The following STAU2 variants were observed in gnomAD, a reference collection of about 807,000 sequenced individuals.
STAU2 encodes the protein double-stranded RNA-binding protein Staufen homolog 2.
In STAU2, 20 loss-of-function variants were observed where a neutral mutation model predicts 65.9. The ratio of observed to expected loss-of-function variants is 0.30; its 90% CI spans 0.21 to 0.44. The LOEUF is 0.44. Among genes scored for constraint, STAU2 ranks in the 20% least tolerant of loss-of-function variants. The pLI, the probability that STAU2 is intolerant of heterozygous loss-of-function variation, is 1.00. For missense variants in STAU2, 558 were observed against 683.9 expected, an observed-to-expected ratio of 0.82 and a Z score of 2.05; for synonymous variants, 232 against 233.9, an observed-to-expected ratio of 0.99 and a Z score of 0.07.
At chr8:73,552,685 G>C (rs1206143820) in intron 12 of STAU2, among the ~76,000 whole-genome samples, 1 of 152,076 alleles carries the variant, frequency 6.6e-6, no homozygotes, top group African/African-American at 2.4e-5. Context: ...TCTCATAAAA[G>C]AGGCATGAAA....
chr8:73,502,484 ATCAACCCTATACC>A (rs1171650663), intron 13 of STAU2, among the ~76,000 whole-genome samples: 1 of 152,012 alleles, frequency 6.6e-6, no homozygotes, highest in Non-Finnish European at 1.5e-5. Flanking sequence ...ATATCCAAAG[ATCAACCCTATACC>A]TCAACCAAAA....
At chr8:73,427,356 C>T (rs1370662845) in intron 13 of STAU2, among the ~76,000 whole-genome samples, 3 of 152,174 alleles carry the variant, frequency 2.0e-5, no homozygotes, top group Non-Finnish European at 4.4e-5. Context: ...GTCAGAGAAG[C>T]AAACCAGTTT....
intron 9 of STAU2, among the ~76,000 whole-genome samples, chr8:73,608,612 T>TAA (rs61070069): frequency 0.015 from 2,011 of 136,224 alleles, 45 homozygotes; most frequent in African/African-American, 0.046. Context: ...CTCCGTCCCA[T>TAA]AAAAAAAAAA....
At chr8:73,573,515 A>G (rs1809270663) in intron 12 of STAU2, among the ~76,000 whole-genome samples, 2 of 152,242 alleles carry the variant, frequency 1.3e-5, no homozygotes, top group African/African-American at 2.4e-5. Flanking sequence ...CTACCGAGCT[A>G]CAGTAACCAA....
intron 14 of STAU2, 57 bp from the exon 15 acceptor site, chr8:73,421,522 AT>A (rs1436957951): frequency 1.3e-6 from 2 of 1,497,520 alleles, no homozygotes; most frequent in African/African-American, 2.8e-5. Flanking sequence ...ATCTTCAGAC[AT>A]GTTTATTAGC....
intron 13 of STAU2, among the ~76,000 whole-genome samples, chr8:73,509,781 G>T (rs1245199236): frequency 6.6e-6 from 1 of 152,024 alleles, no homozygotes; most frequent in Non-Finnish European, 1.5e-5. Flanking sequence ...GGGAATTATA[G>T]TAAAGAACAG....
intron 13 of STAU2, among the ~76,000 whole-genome samples, chr8:73,488,988 A>AT (rs929366266): frequency 5.1e-4 from 77 of 151,088 alleles, no homozygotes; most frequent in Non-Finnish European, 9.6e-4. Flanking sequence ...GTCTGGGTCA[A>AT]TTTTTTTTTC....
intron 10 of STAU2, among the ~76,000 whole-genome samples, chr8:73,599,428 G>A (rs754181066): frequency 2.0e-5 from 3 of 151,926 alleles, no homozygotes; most frequent in African/African-American, 4.8e-5. Flanking sequence ...TTTAAAAAAC[G>A]AGCAGAAAAA....
In STAU2 at chr8:73,536,396, A is replaced by G. The variant is rs1200282034; in HGVS notation, c.1530+15616T>C. ...TTCTAACCAAAGGACCAAAAAAATAATAATATAACAACATATAAATCTTTT... is the reference window on the plus strand; with the variant it reads ...TTCTAACCAAAGGACCAAAAAAATAGTAATATAACAACATATAAATCTTTT... On this transcript the variant is annotated intron_variant, in intron 13 of 14. Transcript: ENST00000524300. 4.6e-5 allele frequency among the ~76,000 whole-genome samples: 7 copies of G among 152,346 alleles called. No individual in the cohort carries two copies. The South Asian group carries it at 6.2e-4, about 14-fold the overall frequency.
At chr8:73,604,665 T>G (rs2129729096) in intron 9 of STAU2, among the ~76,000 whole-genome samples, 1 of 152,226 alleles carries the variant, frequency 6.6e-6, no homozygotes, top group Middle Eastern at 3.4e-3. Context: ...AAGGAAAAAC[T>G]CAATATATGA....
At chr8:73,698,913 C>A in intron 4 of STAU2, among the ~76,000 whole-genome samples, 3 of 66,926 alleles carry the variant, frequency 4.5e-5, no homozygotes, top group East Asian at 5.0e-4. Flanking sequence ...CAAAACGAGT[C>A]TTAAAACATT....
chr8:73,429,738 C>T (rs1035105122), intron 13 of STAU2, among the ~76,000 whole-genome samples: 15 of 151,966 alleles, frequency 9.9e-5, no homozygotes, highest in African/African-American at 3.6e-4. Flanking sequence ...CTCTTTATTT[C>T]CTCCAAATTT....
At chr8:73,679,888 AAAAAAAAAAAC>A (rs1428464733) in intron 5 of STAU2, among the ~76,000 whole-genome samples, 1 of 143,454 alleles carries the variant, frequency 7.0e-6, no homozygotes, top group East Asian at 2.0e-4. Flanking sequence ...GACTCCACCT[AAAAAAAAAAAC>A]AAAACAAAAA....
At chr8:73,707,751 T>C (rs953096959) in intron 4 of STAU2, among the ~76,000 whole-genome samples, 2 of 151,924 alleles carry the variant, frequency 1.3e-5, no homozygotes, top group African/African-American at 4.8e-5. Flanking sequence ...ACAAGCTCAG[T>C]CTAGCACAAA....
intron 6 of STAU2, among the ~76,000 whole-genome samples, chr8:73,639,206 C>T (rs982876128): frequency 6.6e-6 from 1 of 151,908 alleles, no homozygotes; most frequent in Admixed American, 6.6e-5. Flanking sequence ...TTCACTGGTT[C>T]GAGTTTCTAA....
intron 3 of STAU2, among the ~76,000 whole-genome samples, chr8:73,720,314 TG>T (rs912628126): frequency 1.1e-4 from 16 of 151,816 alleles, no homozygotes; most frequent in Admixed American, 7.9e-4. Flanking sequence ...CTTCTTCCTT[TG>T]GGATTAATTT....
intron 13 of STAU2, among the ~76,000 whole-genome samples, chr8:73,424,182 A>C (rs1585714335): frequency 7.1e-6 from 1 of 140,276 alleles, no homozygotes; most frequent in Non-Finnish European, 1.5e-5. Context: ...AGCAATGTAT[A>C]TTTGAAGCTC....
At chr8:73,721,072 G>T (rs938987311) in intron 3 of STAU2, among the ~76,000 whole-genome samples, 1 of 141,394 alleles carries the variant, frequency 7.1e-6, no homozygotes, top group African/African-American at 2.7e-5. Flanking sequence ...CTGAACCCAG[G>T]AGTTCTAGAC....
chr8:73,502,490 C>T (rs147539677), intron 13 of STAU2, among the ~76,000 whole-genome samples: 8 of 152,118 alleles, frequency 5.3e-5, no homozygotes, highest in East Asian at 1.9e-4. Context: ...AAAGATCAAC[C>T]CTATACCTCA....
Sources: gnomAD v4.1 joint callset for allele counts (sites outside exome capture counted in the v4.1 genomes callset) on GRCh38, gnomAD v4.1.1 for gene constraint, MANE v1.5 for transcripts, NCBI Gene and HGNC (gene_info 2026-07-23, HGNC 2026-07-21) for gene names.